The following SLC2A13 variants were observed in gnomAD, a reference collection of about 807,000 sequenced individuals.
The protein encoded by SLC2A13 is proton myo-inositol cotransporter.
In SLC2A13, 32 loss-of-function variants were observed where a neutral mutation model predicts 64.4. The ratio of observed to expected loss-of-function variants is 0.50; its 90% CI spans 0.37 to 0.67. The LOEUF (loss-of-function observed/expected upper bound fraction) is 0.67. Ranked by LOEUF, SLC2A13 falls within the 30% of genes least tolerant of loss-of-function variation. The pLI, the probability that SLC2A13 is intolerant of heterozygous loss-of-function variation, is 0.00. For synonymous variants in SLC2A13, 338 were observed against 327.1 expected (o/e 1.03, Z -0.36); for missense variants, 743 against 829.2 (o/e 0.90, Z 1.28).
At chr12:39,762,183 C>A (rs1413675634) in intron 9 of SLC2A13, among the ~76,000 whole-genome samples, 1 of 151,996 alleles carries the variant, frequency 6.6e-6, no homozygotes, top group Non-Finnish European at 1.5e-5. Flanking sequence ...GTGGGCAGAC[C>A]TGGGAGGCTG....
chr12:39,871,301 C>A (rs1944046177), intron 5 of SLC2A13, among the ~76,000 whole-genome samples: 1 of 152,066 alleles, frequency 6.6e-6, no homozygotes, highest in African/African-American at 2.4e-5. Context: ...GGAATTTAGG[C>A]CTGTTTCAAA....
At chr12:40,068,264 T>A in intron 1 of SLC2A13, 1 of 356,460 alleles carries the variant, frequency 2.8e-6, no homozygotes, top group Non-Finnish European at 5.4e-6. Flanking sequence ...CAGTATCTTC[T>A]GGCATGCTTC....
At chr12:40,031,884 AC>A (rs768892545) in intron 2 of SLC2A13, among the ~76,000 whole-genome samples, 12 of 152,208 alleles carry the variant, frequency 7.9e-5, no homozygotes, top group Non-Finnish European at 1.5e-4. Flanking sequence ...TAGTAGGACT[AC>A]CAGTCCTCTA....
chr12:39,898,034 T>C (rs1305230152), intron 4 of SLC2A13, among the ~76,000 whole-genome samples: 1 of 152,146 alleles, frequency 6.6e-6, no homozygotes, highest in Non-Finnish European at 1.5e-5. Flanking sequence ...TTATTTTTAA[T>C]GACTGAATAG....
At chr12:39,970,565 T>C (rs117754098) in intron 3 of SLC2A13, among the ~76,000 whole-genome samples, 87 of 152,328 alleles carry the variant, frequency 5.7e-4, no homozygotes, top group East Asian at 3.5e-3. Flanking sequence ...TTCTCTTCTG[T>C]TACCCTTAAT....
chr12:39,939,474 G>C (rs1388178072), intron 4 of SLC2A13, among the ~76,000 whole-genome samples: 1 of 152,182 alleles, frequency 6.6e-6, no homozygotes, highest in Non-Finnish European at 1.5e-5. Flanking sequence ...TATAAACCGT[G>C]TGCACATGAG....
intron 7 of SLC2A13, among the ~76,000 whole-genome samples, chr12:39,766,870 A>G (rs1247697947): frequency 6.6e-6 from 1 of 152,068 alleles, no homozygotes; most frequent in Non-Finnish European, 1.5e-5. Context: ...TCGCTTCTAC[A>G]ATAGTTCTCT....
At chr12:39,879,183 G>A (rs973021193) in intron 4 of SLC2A13, among the ~76,000 whole-genome samples, 11 of 152,254 alleles carry the variant, frequency 7.2e-5, no homozygotes, top group Non-Finnish European at 2.9e-5. Flanking sequence ...GAAAGCCTGG[G>A]TGCCCTGGCA....
At chr12:39,966,438 T>G (rs1253742228) in intron 3 of SLC2A13, among the ~76,000 whole-genome samples, 1 of 152,110 alleles carries the variant, frequency 6.6e-6, no homozygotes, top group Non-Finnish European at 1.5e-5. Context: ...CCCACAAAGC[T>G]AAATGTTCTG....
chr12:40,033,637 G>A (rs990587421), intron 2 of SLC2A13, among the ~76,000 whole-genome samples: 1 of 152,186 alleles, frequency 6.6e-6, no homozygotes, highest in Non-Finnish European at 1.5e-5. Flanking sequence ...TACCTCATGT[G>A]TAAAGGGTAA....
chr12:40,061,058 A>C (rs1948412548), intron 1 of SLC2A13, among the ~76,000 whole-genome samples: 1 of 152,098 alleles, frequency 6.6e-6, no homozygotes, highest in Non-Finnish European at 1.5e-5. Flanking sequence ...GTATGAGTAA[A>C]ATTTCAGTGG....
At chr12:40,042,637 A>C (rs1026113430) in intron 2 of SLC2A13, among the ~76,000 whole-genome samples, 4 of 152,194 alleles carry the variant, frequency 2.6e-5, no homozygotes, top group African/African-American at 7.2e-5. Flanking sequence ...TCCCTTCCCT[A>C]GAGCCCAGTG....
intron 7 of SLC2A13, among the ~76,000 whole-genome samples, chr12:39,809,282 T>A (rs1483694675): frequency 6.6e-6 from 1 of 152,242 alleles, no homozygotes; most frequent in South Asian, 2.1e-4. Flanking sequence ...ATGTCTATTT[T>A]ACCAACATCA....
intron 1 of SLC2A13, among the ~76,000 whole-genome samples, chr12:40,090,995 T>C (rs930371244): frequency 6.6e-5 from 10 of 152,178 alleles, no homozygotes; most frequent in Admixed American, 6.6e-4. Context: ...TCATAGAGTG[T>C]CCTTACACAA....
At chr12:39,870,247 G>C (rs541771197) in intron 5 of SLC2A13, among the ~76,000 whole-genome samples, 2 of 152,258 alleles carry the variant, frequency 1.3e-5, no homozygotes, top group East Asian at 3.9e-4. Flanking sequence ...TATTTAAAAA[G>C]AAGGGTGTCA....
At chr12:39,900,767 G>T (rs908054934) in intron 4 of SLC2A13, among the ~76,000 whole-genome samples, 2 of 152,128 alleles carry the variant, frequency 1.3e-5, no homozygotes, top group Non-Finnish European at 2.9e-5. Context: ...TACTGCCCAA[G>T]GTAATTTATA....
chr12:39,997,961 G>C (rs1947260175), intron 3 of SLC2A13, among the ~76,000 whole-genome samples: 2 of 152,184 alleles, frequency 1.3e-5, no homozygotes, highest in African/African-American at 2.4e-5. Flanking sequence ...AAGCCGTGTG[G>C]AGATTCCTTA....
intron 7 of SLC2A13, among the ~76,000 whole-genome samples, chr12:39,793,739 TG>T (rs1220706741): frequency 1.3e-5 from 2 of 152,166 alleles, no homozygotes; most frequent in Non-Finnish European, 2.9e-5. Flanking sequence ...AGATTATTCA[TG>T]CACCTGCTTT....
chr12:39,815,095 C>A (rs1310256409), intron 7 of SLC2A13, among the ~76,000 whole-genome samples: 1 of 151,858 alleles, frequency 6.6e-6, no homozygotes, highest in African/African-American at 2.4e-5. Flanking sequence ...AAATAAATGA[C>A]CCAAGGCCAT....
Sources: allele counts gnomAD v4.1 joint callset (sites outside exome capture counted in the v4.1 genomes callset), GRCh38; gene constraint gnomAD v4.1.1; transcripts MANE v1.5; gene names NCBI Gene and HGNC (gene_info 2026-07-23, HGNC 2026-07-21).